Variants in CDC73 observed in about 807,000 individuals in gnomAD.
CDC73 encodes the protein cell division cycle 73.
A neutral mutation model predicts 83.7 loss-of-function variants in CDC73; 21 were observed. The ratio of observed to expected loss-of-function variants is 0.25; its 90% CI spans 0.18 to 0.36. The LOEUF (loss-of-function observed/expected upper bound fraction) is 0.36, where lower values mean the gene tolerates loss of function less well. CDC73 is among the 10% of genes least tolerant of loss of function. The probability of loss-of-function intolerance (pLI) is 1.00; values close to 1 mark genes in which losing one functional copy is unlikely to be tolerated. For missense variants in CDC73, 342 were observed against 653.3 expected, an observed-to-expected ratio of 0.52 and a Z score of 5.19; for synonymous variants, 224 against 212.9, an observed-to-expected ratio of 1.05 and a Z score of -0.45.
At chr1:193,248,274 AG>A (rs1677986665) in intron 15 of CDC73, among the ~76,000 whole-genome samples, 1 of 152,108 alleles carries the variant, frequency 6.6e-6, no homozygotes, top group Non-Finnish European at 1.5e-5. Flanking sequence ...TGTTTACAGC[AG>A]GGTTCAGTGA....
chr1:193,135,613 A>G, intron 5 of CDC73, 24 bp downstream of exon 5: 1 of 1,531,150 alleles, frequency 6.5e-7, no homozygotes, highest in Non-Finnish European at 9.0e-7. Context: ...ATTTTAAACA[A>G]TTTTATTTAT....
chr1:193,185,284 T>TA (rs1218786856), intron 10 of CDC73, among the ~76,000 whole-genome samples: 1 of 152,114 alleles, frequency 6.6e-6, no homozygotes, highest in Admixed American at 6.6e-5. Context: ...TTAAAATAGT[T>TA]AATTTTTAAA....
intron 6 of CDC73, among the ~76,000 whole-genome samples, chr1:193,139,865 A>G (rs1675874300): frequency 1.3e-5 from 2 of 152,228 alleles, no homozygotes; most frequent in African/African-American, 4.8e-5. Context: ...CATTCTGGCT[A>G]GTGGAACAGG....
chr1:193,131,904 G>C (rs1167012821), intron 3 of CDC73, among the ~76,000 whole-genome samples: 1 of 152,100 alleles, frequency 6.6e-6, no homozygotes, highest in Non-Finnish European at 1.5e-5. Context: ...TTTTTCACCA[G>C]ATCTCATACA....
At chr1:193,198,347 G>A (rs1437308547) in intron 10 of CDC73, among the ~76,000 whole-genome samples, 3 of 152,158 alleles carry the variant, frequency 2.0e-5, no homozygotes, top group Non-Finnish European at 4.4e-5. Context: ...AAGTCATGAG[G>A]GCATGGTCTT....
intron 13 of CDC73, among the ~76,000 whole-genome samples, chr1:193,228,271 A>G (rs114391112): frequency 0.012 from 1,860 of 152,246 alleles, 18 homozygotes; most frequent in South Asian, 0.034. Context: ...AGTGATGGCA[A>G]TTCCTAGTTT....
chr1:193,163,474 T>C (rs1453793659), intron 10 of CDC73, among the ~76,000 whole-genome samples: 10 of 151,766 alleles, frequency 6.6e-5, no homozygotes, highest in African/African-American at 1.2e-4. Flanking sequence ...GCCACCACAC[T>C]CCAGCGTGGG....
In CDC73 at chr1:193,142,284, A is replaced by C. The variant is rs540455642; in HGVS notation, c.729+218A>C. ...ACATCAGAGATGCTGATGAAAAAGTAGGAATCAAAATGCAAGCTCCTTCAC... is the reference window on the plus strand; with the variant it reads ...ACATCAGAGATGCTGATGAAAAAGTCGGAATCAAAATGCAAGCTCCTTCAC... On this transcript the variant is annotated intron_variant, in intron 7 of 16. Coordinates refer to ENST00000367435, the MANE Select transcript of CDC73 (RefSeq NM_024529.5). Among the ~76,000 whole-genome samples, 3 of 152,322 alleles carry C rather than the reference A, an allele frequency of 2.0e-5. No individual in the cohort carries two copies. In the East Asian group the frequency reaches 5.8e-4, roughly 29 times the overall value.
At chr1:193,183,526 T>G (rs1038831727) in intron 10 of CDC73, among the ~76,000 whole-genome samples, 1 of 151,036 alleles carries the variant, frequency 6.6e-6, no homozygotes, top group Non-Finnish European at 1.5e-5. Context: ...TGCTGTAAGC[T>G]AAGCTGAAAA....
At chr1:193,195,240 C>T (rs1048514394) in intron 10 of CDC73, among the ~76,000 whole-genome samples, 1 of 152,168 alleles carries the variant, frequency 6.6e-6, no homozygotes, top group East Asian at 1.9e-4. Context: ...CCAGAAACAC[C>T]GTCACAAACC....
intron 13 of CDC73, among the ~76,000 whole-genome samples, chr1:193,213,906 C>T (rs1435870465): frequency 6.6e-6 from 1 of 152,108 alleles, no homozygotes; most frequent in Non-Finnish European, 1.5e-5. Context: ...AGTATAAATT[C>T]AAATTTGAAT....
chr1:193,242,798 T>C (rs968412760), intron 15 of CDC73, among the ~76,000 whole-genome samples: 3 of 152,210 alleles, frequency 2.0e-5, no homozygotes, highest in African/African-American at 7.2e-5. Flanking sequence ...TCTTTTGCTT[T>C]GTTGCTTTCC....
At chr1:193,186,511 G>A (rs1262538557) in intron 10 of CDC73, 3 of 152,644 alleles carry the variant, frequency 2.0e-5, no homozygotes, top group African/African-American at 7.2e-5. Context: ...TTGTTGCCTG[G>A]CAGCTGCAGG....
intron 10 of CDC73, among the ~76,000 whole-genome samples, chr1:193,190,604 T>C (rs1479280692): frequency 6.6e-6 from 1 of 152,208 alleles, no homozygotes; most frequent in Non-Finnish European, 1.5e-5. Context: ...GTGCAGCAGA[T>C]AGGCATGTTG....
chr1:193,124,114 C>T (rs1222176734), intron 1 of CDC73, among the ~76,000 whole-genome samples: 1 of 152,190 alleles, frequency 6.6e-6, no homozygotes, highest in Non-Finnish European at 1.5e-5. Flanking sequence ...GACAGCAATC[C>T]AGTGAAGCCA....
rs1440797652 is a variant in CDC73 at position 193,163,150 on chromosome 1, GTTGTGTGTGTGTGTGT to G, written c.972+10707_972+10722del. Reference sequence around the variant, plus strand: ...TATAATTCATCAAGAACTTTGTGGGGTTGTGTGTGTGTGTGTGTGTGTGTGTGGGTGTGTGTGTATA... The same window carrying G: ...TATAATTCATCAAGAACTTTGTGGGGGTGTGTGTGTGGGTGTGTGTGTATA... On this transcript the variant is annotated intron_variant, in intron 10 of 16. Coordinates refer to ENST00000367435, the MANE Select transcript of CDC73 (RefSeq NM_024529.5). 3.4e-5 allele frequency among the ~76,000 whole-genome samples: 5 copies of G among 145,846 alleles called. No individual in the cohort carries two copies. The East Asian group carries it at 9.8e-4, about 29-fold the overall frequency.
chr1:193,238,839 C>T (rs1014280840), intron 15 of CDC73, among the ~76,000 whole-genome samples: 1 of 152,166 alleles, frequency 6.6e-6, no homozygotes, highest in Non-Finnish European at 1.5e-5. Context: ...AGGTCTTCAT[C>T]TTCATTGTCT....
intron 3 of CDC73, among the ~76,000 whole-genome samples, chr1:193,131,318 C>T (rs1261102506): frequency 1.3e-5 from 2 of 152,184 alleles, no homozygotes; most frequent in African/African-American, 2.4e-5. Flanking sequence ...TTGGTGACAT[C>T]TTTGTCACAT....
At position 193,122,041 on chromosome 1, in the gene CDC73, C is replaced by G. The variant is rs1363109915; in HGVS notation, c.-160C>G. The G allele has an allele frequency of 1.5e-6, 1 of 683,294 alleles. No homozygotes were observed. Among genetic ancestry groups the G allele is most frequent in the African/African-American group, 1.8e-5 (1 of 56,336 alleles). The allele number at this position is 683,294 out of a possible 1,614,324, so 42.3% of individuals were successfully genotyped here. A position where few individuals can be genotyped will look rare whatever the true frequency, so the allele number is the denominator to read the frequency against. ...TCGGCGGCCTGGGTGGCTACTGCCC[C>G]TGCTGCTGTCGTAGGCGAGGACGGC... On this transcript the variant is annotated 5_prime_UTR_variant, in exon 1 of 17. Coordinates refer to ENST00000367435, the MANE Select transcript of CDC73 (RefSeq NM_024529.5).
Sources: allele counts gnomAD v4.1 joint callset (sites outside exome capture counted in the v4.1 genomes callset), GRCh38; gene constraint gnomAD v4.1.1; transcripts MANE v1.5; gene names NCBI Gene and HGNC (gene_info 2026-07-23, HGNC 2026-07-21).